TCF4: variants seen among roughly 807,000 people sequenced by gnomAD.
The protein encoded by TCF4 is transcription factor 4.
TCF4 carries 3 observed loss-of-function variants against 82.1 expected under a neutral mutation model. The ratio of observed to expected loss-of-function variants is 0.04; its 90% CI spans 0.02 to 0.09. The LOEUF is 0.09. Among genes scored for constraint, TCF4 ranks in the 10% least tolerant of loss-of-function variants. The probability of loss-of-function intolerance (pLI) is 1.00; values close to 1 mark genes in which losing one functional copy is unlikely to be tolerated. For missense variants in TCF4, 518 were observed against 852.7 expected (o/e 0.61, Z 4.89); for synonymous variants, 276 against 309.6 (o/e 0.89, Z 1.14).
At chr18:55,343,478 A>G (rs1410741066) in intron 8 of TCF4, among the ~76,000 whole-genome samples, 5 of 152,164 alleles carry the variant, frequency 3.3e-5, no homozygotes, top group Non-Finnish European at 7.4e-5. Flanking sequence ...AAGAGACAAG[A>G]GTGGGTGTCA....
chr18:55,462,520 T>C (rs913622347), intron 4 of TCF4, among the ~76,000 whole-genome samples: 1 of 152,160 alleles, frequency 6.6e-6, no homozygotes, highest in Non-Finnish European at 1.5e-5. Flanking sequence ...TTACACAAAA[T>C]TGGTTTGAAA....
chr18:55,242,139 C>G (rs2051447483), intron 15 of TCF4, among the ~76,000 whole-genome samples: 1 of 152,226 alleles, frequency 6.6e-6, no homozygotes, highest in Non-Finnish European at 1.5e-5. Context: ...TCCCCTCACT[C>G]TCTGACCCTT....
At chr18:55,331,342 G>A (rs1486854366) in intron 8 of TCF4, among the ~76,000 whole-genome samples, 1 of 152,202 alleles carries the variant, frequency 6.6e-6, no homozygotes, top group African/African-American at 2.4e-5. Flanking sequence ...GGATTCTCCA[G>A]CAAAGTTCAG....
chr18:55,624,352 C>T (rs2097724423), intron 2 of TCF4, among the ~76,000 whole-genome samples: 1 of 152,010 alleles, frequency 6.6e-6, no homozygotes, highest in Non-Finnish European at 1.5e-5. Flanking sequence ...ATAAGGGACA[C>T]AAGGCTGCCT....
At chr18:55,279,227 C>A (rs999487425) in intron 9 of TCF4, among the ~76,000 whole-genome samples, 9 of 152,176 alleles carry the variant, frequency 5.9e-5, no homozygotes, top group Non-Finnish European at 1.0e-4. Context: ...CACTTCTAAA[C>A]AAACAGCTAC....
intron 13 of TCF4, 34 bp from the exon 14 acceptor site, chr18:55,257,425 G>A: frequency 6.2e-7 from 1 of 1,604,906 alleles, no homozygotes; most frequent in Non-Finnish European, 8.5e-7. Flanking sequence ...ATCAGATCTA[G>A]ACACATGTAA....
chr18:55,587,337 CAAAAAAAAAAAAAAAAAAAAAAAAAA>C (rs1159348981), intron 1 of TCF4: 485 of 7,158 alleles, frequency 0.068, 19 homozygotes, highest in East Asian at 0.42. Flanking sequence ...GCAGCAATAG[CAAAAAAAAAAAAAAAAAAAAAAAAAA>C]AAAAAAAAAA....
At chr18:55,294,883 G>A (rs770866022) in intron 8 of TCF4, among the ~76,000 whole-genome samples, 4 of 152,094 alleles carry the variant, frequency 2.6e-5, no homozygotes, top group African/African-American at 9.7e-5. Flanking sequence ...GCCTGTGTCC[G>A]GATTTTTAAA....
intron 6 of TCF4, among the ~76,000 whole-genome samples, chr18:55,399,420 C>G (rs2093673435): frequency 2.6e-5 from 4 of 152,132 alleles, no homozygotes; most frequent in African/African-American, 7.2e-5. Flanking sequence ...ATAACTGTAT[C>G]AGCAAAGTCC....
In TCF4 at chr18:55,351,099, G is replaced by C. The variant is rs1178110189; in HGVS notation, c.370-96C>G. 8 of 1,479,008 alleles carry C rather than the reference G, an allele frequency of 5.4e-6. No homozygotes were observed. In the Admixed American group the frequency reaches 6.9e-5, roughly 13 times the overall value. 91.6% of individuals were successfully genotyped at this position (1,479,008 alleles called of 1,614,324 possible). A position where few individuals can be genotyped will look rare whatever the true frequency, so the allele number is the denominator to read the frequency against. On this transcript the variant is annotated intron_variant, in intron 6 of 19. Coordinates refer to ENST00000354452, the MANE Select transcript of TCF4 (RefSeq NM_001083962.2). ...TTAGTACTTAAACCAATGCAATAAA[G>C]CAAACAGCATCTGCTAAGCTGAGAC...
At chr18:55,468,619 C>T (rs975776425) in intron 3 of TCF4, among the ~76,000 whole-genome samples, 4 of 152,148 alleles carry the variant, frequency 2.6e-5, no homozygotes, top group African/African-American at 4.8e-5. Context: ...CTGTGATGTA[C>T]GTTTATTATA....
intron 5 of TCF4, among the ~76,000 whole-genome samples, chr18:55,421,004 T>C (rs2094724136): frequency 2.0e-5 from 3 of 151,986 alleles, no homozygotes; most frequent in African/African-American, 7.2e-5. Context: ...AGAATTAACC[T>C]ATCGTTTCAG....
At chr18:55,420,553 G>A (rs1239541255) in intron 5 of TCF4, among the ~76,000 whole-genome samples, 1 of 151,636 alleles carries the variant, frequency 6.6e-6, no homozygotes, top group Non-Finnish European at 1.5e-5. Context: ...ACAAAAGCAA[G>A]TCCCAGGATT....
chr18:55,279,231 C>G (rs1243960956), intron 9 of TCF4, among the ~76,000 whole-genome samples: 1 of 152,206 alleles, frequency 6.6e-6, no homozygotes, highest in Non-Finnish European at 1.5e-5. Flanking sequence ...TCTAAACAAA[C>G]AGCTACATCG....
chr18:55,577,579 T>C (rs559496794), intron 3 of TCF4, among the ~76,000 whole-genome samples: 2 of 152,238 alleles, frequency 1.3e-5, no homozygotes, highest in African/African-American at 4.8e-5. Context: ...AAAACTGGAT[T>C]GTCCAGAGTT....
At chr18:55,345,205 T>G (rs190340756) in intron 8 of TCF4, among the ~76,000 whole-genome samples, 207 of 151,834 alleles carry the variant, frequency 1.4e-3, no homozygotes, top group African/African-American at 4.5e-3. Context: ...ATATAAAGAT[T>G]CTCCTATATT....
intron 3 of TCF4, among the ~76,000 whole-genome samples, chr18:55,479,956 T>G (rs528693856): frequency 6.6e-6 from 1 of 152,324 alleles, no homozygotes; most frequent in East Asian, 1.9e-4. Context: ...GAACTATCCT[T>G]CTTTCCCTTT....
chr18:55,275,952 T>C (rs1040276378), intron 9 of TCF4, among the ~76,000 whole-genome samples, 200 bp from the exon 10 acceptor site: 1 of 152,186 alleles, frequency 6.6e-6, no homozygotes, highest in African/African-American at 2.4e-5. Context: ...TTAAAAAAGT[T>C]AAAGTGTTCT....
intron 5 of TCF4, among the ~76,000 whole-genome samples, chr18:55,455,570 A>G (rs553377872): frequency 2.6e-4 from 40 of 151,948 alleles, no homozygotes; most frequent in Non-Finnish European, 4.9e-4. Flanking sequence ...GATGTCCCTA[A>G]CTAATGAACT....
Sources: allele counts gnomAD v4.1 joint callset (sites outside exome capture counted in the v4.1 genomes callset), GRCh38; gene constraint gnomAD v4.1.1; transcripts MANE v1.5; gene names NCBI Gene and HGNC (gene_info 2026-07-23, HGNC 2026-07-21).